RBMS3: variants seen among roughly 807,000 people sequenced by gnomAD.
RBMS3 encodes RNA-binding motif, single-stranded-interacting protein 3.
A neutral mutation model predicts 66.8 loss-of-function variants in RBMS3; 27 were observed. The ratio of observed to expected loss-of-function variants is 0.40; its 90% CI spans 0.30 to 0.56. The LOEUF (loss-of-function observed/expected upper bound fraction) is 0.56, where lower values mean the gene tolerates loss of function less well. RBMS3 is among the 20% of genes least tolerant of loss of function. RBMS3 has a pLI of 0.40. For synonymous variants in RBMS3, 188 were observed against 183.0 expected (o/e 1.03, Z -0.22); for missense variants, 513 against 549.5 (o/e 0.93, Z 0.66).
Position 29,488,506 on chromosome 3 carries a change from G to A in RBMS3, c.307+7G>A. The A allele has an allele frequency of 6.2e-7, 1 of 1,608,446 alleles. No homozygotes were observed. Among genetic ancestry groups the A allele is most frequent in the Non-Finnish European group, 8.5e-7 (1 of 1,175,224 alleles). On this transcript the variant is annotated splice_region_variant and intron_variant, in intron 3 of 14. Transcript: ENST00000383767. The stretch of plus-strand genomic sequence containing the variant: ...AACACAAATCAGTGCAAAGGTATGT[G>A]TAAGGGCATCCGTACCCTGAAATCT...
intron 3 of RBMS3, among the ~76,000 whole-genome samples, chr3:29,496,317 A>T (rs1334973768): frequency 6.6e-6 from 1 of 152,106 alleles, no homozygotes; most frequent in Non-Finnish European, 1.5e-5. Flanking sequence ...ATTTTACTCT[A>T]ATCTACTCTA....
intron 4 of RBMS3, among the ~76,000 whole-genome samples, chr3:29,612,684 T>C (rs910595952): frequency 6.6e-6 from 1 of 151,958 alleles, no homozygotes; most frequent in Non-Finnish European, 1.5e-5. Flanking sequence ...GAATAAATGG[T>C]TATGAATGAA....
chr3:29,926,567 C>T (rs1221015823), intron 10 of RBMS3, among the ~76,000 whole-genome samples: 2 of 152,142 alleles, frequency 1.3e-5, no homozygotes, highest in Non-Finnish European at 1.5e-5. Flanking sequence ...TAGGATCTTA[C>T]AAGACCTTGA....
chr3:29,984,422 CAA>C lies in RBMS3; in HGVS notation c.1099-3719_1099-3718del, dbSNP rs549179860. 1.1e-4 allele frequency among the ~76,000 whole-genome samples: 17 copies of C among 152,044 alleles called. No homozygotes were observed. In the South Asian group the frequency reaches 3.1e-3, roughly 28 times the overall value. Reference sequence around the variant, plus strand: ...CTGAAGCCCACTTCTGTCAATTCATCAAACTCATTCTCTGTCCAGTTTTGTTC... The same window carrying C: ...CTGAAGCCCACTTCTGTCAATTCATCACTCATTCTCTGTCCAGTTTTGTTC... On this transcript the variant is annotated intron_variant, in intron 12 of 14. Coordinates refer to ENST00000383767, the MANE Select transcript of RBMS3 (RefSeq NM_001003793.3).
At chr3:29,769,066 A>C (rs939893551) in intron 6 of RBMS3, among the ~76,000 whole-genome samples, 3 of 151,944 alleles carry the variant, frequency 2.0e-5, no homozygotes, top group African/African-American at 7.2e-5. Flanking sequence ...TACTGTTTTT[A>C]TGACTTTTTG....
intron 8 of RBMS3, among the ~76,000 whole-genome samples, chr3:29,891,393 G>A (rs185399982): frequency 9.2e-5 from 14 of 151,698 alleles, no homozygotes; most frequent in African/African-American, 2.4e-4. Flanking sequence ...GAGAGAAGAA[G>A]CATCTGTGTC....
chr3:29,428,702 C>G (rs12629272), intron 1 of RBMS3, among the ~76,000 whole-genome samples: 16,364 of 151,974 alleles, frequency 0.11, 1,197 homozygotes, highest in East Asian at 0.29. Flanking sequence ...GGTATATGAA[C>G]AAAGCACACT....
chr3:29,898,146 A>G (rs1210289827), intron 9 of RBMS3, among the ~76,000 whole-genome samples: 1 of 151,616 alleles, frequency 6.6e-6, no homozygotes, highest in Non-Finnish European at 1.5e-5. Context: ...CTTCTCCCTC[A>G]AACAATACTC....
At chr3:30,000,957 A>T (rs1466387471) in intron 14 of RBMS3, among the ~76,000 whole-genome samples, 1 of 152,072 alleles carries the variant, frequency 6.6e-6, no homozygotes, top group Non-Finnish European at 1.5e-5. Context: ...TGATGGGTAC[A>T]GCAAATCACC....
chr3:29,739,388 A>T (rs113628503), intron 4 of RBMS3, among the ~76,000 whole-genome samples: 1 of 150,654 alleles, frequency 6.6e-6, no homozygotes, highest in Admixed American at 6.7e-5. Context: ...CCCGGGAAGC[A>T]GAGCTTGCAG....
chr3:29,625,215 T>G (rs1559518314), intron 4 of RBMS3, among the ~76,000 whole-genome samples: 1 of 152,182 alleles, frequency 6.6e-6, no homozygotes, highest in Admixed American at 6.5e-5. Flanking sequence ...TATAGTAGTG[T>G]GAAAATGGAC....
At chr3:29,345,026 C>T (rs1219575434) in intron 1 of RBMS3, among the ~76,000 whole-genome samples, 1 of 152,160 alleles carries the variant, frequency 6.6e-6, no homozygotes, top group Non-Finnish European at 1.5e-5. Flanking sequence ...ATCCTGATAA[C>T]ACCATTTAGC....
chr3:29,514,060 G>A (rs1017994830), intron 3 of RBMS3, among the ~76,000 whole-genome samples: 1 of 152,134 alleles, frequency 6.6e-6, no homozygotes, highest in Non-Finnish European at 1.5e-5. Context: ...TGCCTGGCAT[G>A]TTTGAAGGCA....
chr3:29,739,449 C>A (rs2054533230), intron 4 of RBMS3, among the ~76,000 whole-genome samples: 1 of 126,302 alleles, frequency 7.9e-6, no homozygotes, highest in African/African-American at 3.1e-5. Flanking sequence ...GAGCGAGACT[C>A]CGTCTCAAGA....
chr3:29,651,608 A>G (rs562526537), intron 4 of RBMS3, among the ~76,000 whole-genome samples: 19 of 152,294 alleles, frequency 1.2e-4, no homozygotes, highest in Non-Finnish European at 2.2e-4. Flanking sequence ...ACAGTTTTTT[A>G]TTGAAAGTTG....
chr3:29,754,638 T>G (rs1420374305), intron 5 of RBMS3, among the ~76,000 whole-genome samples: 1 of 152,066 alleles, frequency 6.6e-6, no homozygotes, highest in African/African-American at 2.4e-5. Flanking sequence ...TTAAATAACA[T>G]AAGTACAGAG....
rs2055925450 is a variant in RBMS3 at position 29,766,285 on chromosome 3, C to T, written c.637+3296C>T. 6 of 152,016 alleles carry T rather than the reference C, an allele frequency of 3.9e-5. No homozygotes were observed. In the South Asian group the frequency reaches 1.2e-3, roughly 31 times the overall value. The allele number at this position is 152,016 out of a possible 1,614,324, so 9.4% of individuals were successfully genotyped here. A position where few individuals can be genotyped will look rare whatever the true frequency, so the allele number is the denominator to read the frequency against. On this transcript the variant is annotated intron_variant, in intron 6 of 14. Coordinates refer to ENST00000383767, the MANE Select transcript of RBMS3 (RefSeq NM_001003793.3). ...AAGCTAATTATTTTCCTGAGATGAT[C>T]ATCTAGTTTCCAAGTCCCCTACTAT...
At chr3:29,802,283 C>T (rs191945142) in intron 6 of RBMS3, among the ~76,000 whole-genome samples, 1 of 152,258 alleles carries the variant, frequency 6.6e-6, no homozygotes, top group East Asian at 1.9e-4. Context: ...GTGACAAAGT[C>T]AATACCACCA....
intron 13 of RBMS3, among the ~76,000 whole-genome samples, chr3:29,989,725 A>G (rs1266079028): frequency 6.6e-6 from 1 of 152,194 alleles, no homozygotes; most frequent in Non-Finnish European, 1.5e-5. Flanking sequence ...ATAGGTCTCA[A>G]AGAATGTGTC....
Sources: gnomAD v4.1 joint callset for allele counts (sites outside exome capture counted in the v4.1 genomes callset) on GRCh38, gnomAD v4.1.1 for gene constraint, MANE v1.5 for transcripts, NCBI Gene and HGNC (gene_info 2026-07-23, HGNC 2026-07-21) for gene names.